CNTNAP2: variants seen among roughly 807,000 people sequenced by gnomAD.
CNTNAP2 encodes the protein contactin-associated protein-like 2.
A neutral mutation model predicts 155.2 loss-of-function variants in CNTNAP2; 98 were observed. The ratio of observed to expected loss-of-function variants is 0.63; its 90% CI spans 0.54 to 0.75. CNTNAP2 has a LOEUF of 0.75. CNTNAP2 is among the 30% of genes least tolerant of loss of function. The pLI, the probability that CNTNAP2 is intolerant of heterozygous loss-of-function variation, is 0.00. For missense variants in CNTNAP2, 1,727 were observed against 1,688.1 expected, an observed-to-expected ratio of 1.02 and a Z score of -0.40; for synonymous variants, 651 against 631.2, an observed-to-expected ratio of 1.03 and a Z score of -0.47.
Position 146,774,366 on chromosome 7 carries a change from A to T in CNTNAP2, c.193A>T (p.Ile65Leu). 1 of 1,613,896 alleles carries T rather than the reference A, an allele frequency of 6.2e-7. No individual in the cohort carries two copies. Among genetic ancestry groups the T allele is most frequent in the Non-Finnish European group, 8.5e-7 (1 of 1,179,884 alleles). The part of the protein sequence containing the change: ...SGSYSPGYAK[I>L]NKRGGAGGWS... ...TAGCTATTCTCCCGGCTATGCCAAG[A>T]TAAACAAGAGAGGAGGTAAGCCAAA... The change falls in exon 2 of 24, where the codon ATA becomes TTA. Residue 65 changes from isoleucine (I) to leucine (L), a missense_variant. Physicochemically the swap from Ile to Leu is conservative, Grantham distance 5. Transcript: ENST00000361727.
intron 1 of CNTNAP2, among the ~76,000 whole-genome samples, chr7:146,496,523 T>C (rs947429509): frequency 1.3e-5 from 2 of 152,158 alleles, no homozygotes; most frequent in South Asian, 4.1e-4. Context: ...TAGCACAAAT[T>C]AATTCTGCCA....
Position 146,307,220 on chromosome 7 carries a change from C to G in CNTNAP2, c.97+190247C>G, listed in dbSNP as rs190808712. On this transcript the variant is annotated intron_variant, in intron 1 of 23. Transcript: ENST00000361727. ...AGAGAGCCAAATCATGAGTGAACTC[C>G]CATTCACAATTGCTTCAAAAAGAAT... Among the ~76,000 whole-genome samples, 22 of 152,170 alleles carry G rather than the reference C, an allele frequency of 1.4e-4. 1 individual carries two copies. The highest frequency in any genetic ancestry group is 4.8e-4 in the African/African-American group (20 of 41,504).
At chr7:147,118,078 C>T (rs543270369) in intron 5 of CNTNAP2, among the ~76,000 whole-genome samples, 5 of 151,898 alleles carry the variant, frequency 3.3e-5, no homozygotes, top group South Asian at 4.1e-4. Flanking sequence ...AAATGATATA[C>T]AAGATAACTC....
At chr7:146,122,609 G>A (rs2116721028) in intron 1 of CNTNAP2, among the ~76,000 whole-genome samples, 1 of 152,228 alleles carries the variant, frequency 6.6e-6, no homozygotes, top group South Asian at 2.1e-4. Flanking sequence ...TTGATATTGA[G>A]TTGAAGATTT....
At chr7:148,362,272 C>G (rs1184191410) in intron 21 of CNTNAP2, among the ~76,000 whole-genome samples, 9 of 151,994 alleles carry the variant, frequency 5.9e-5, no homozygotes, top group African/African-American at 2.2e-4. Context: ...ATGGGGGAAA[C>G]CACCCCCATG....
intron 13 of CNTNAP2, among the ~76,000 whole-genome samples, chr7:147,750,312 C>T (rs893264128): frequency 2.0e-5 from 3 of 152,050 alleles, no homozygotes; most frequent in Non-Finnish European, 2.9e-5. Context: ...CTAAGAATAT[C>T]CCATTTACAT....
At chr7:147,681,052 T>C (rs1795941456) in intron 13 of CNTNAP2, among the ~76,000 whole-genome samples, 1 of 152,006 alleles carries the variant, frequency 6.6e-6, no homozygotes, top group South Asian at 2.1e-4. Flanking sequence ...CTGTTCCACA[T>C]AAAGAAATTC....
At chr7:146,582,783 C>G (rs1798631036) in intron 1 of CNTNAP2, among the ~76,000 whole-genome samples, 1 of 151,884 alleles carries the variant, frequency 6.6e-6, no homozygotes, top group African/African-American at 2.4e-5. Flanking sequence ...TGAACCTTCC[C>G]TATCTCTAAA....
rs539785370 is a variant in CNTNAP2, at chr7:148,176,382, C to G, written c.3010+3904C>G. ...GATTACAGGCACCCATCACCACATC[C>G]AGCTAATTTTTTATTTTTAGTACAG... On this transcript the variant is annotated intron_variant, in intron 18 of 23. Transcript: ENST00000361727. 1.6e-3 allele frequency among the ~76,000 whole-genome samples: 247 copies of G among 152,004 alleles called. 4 individuals are homozygous for G. The highest frequency in any genetic ancestry group is 1.5e-4 in the Non-Finnish European group (10 of 67,962).
chr7:146,691,745 C>T lies in CNTNAP2; in HGVS notation c.98-82526C>T, dbSNP rs146426112. 2.0e-3 allele frequency among the ~76,000 whole-genome samples: 299 copies of T among 152,214 alleles called. 2 individuals are homozygous for T. Among genetic ancestry groups the T allele is most frequent in the African/African-American group, 6.2e-3 (257 of 41,570 alleles). ...CCCATACTACCAACCCCGAAACTCT[C>T]CTCCCCCTTTTGCATTCACTCTCAT... is the stretch of plus-strand genomic sequence containing the variant. On this transcript the variant is annotated intron_variant, in intron 1 of 23. Coordinates refer to ENST00000361727, the MANE Select transcript of CNTNAP2 (RefSeq NM_014141.6).
intron 9 of CNTNAP2, among the ~76,000 whole-genome samples, chr7:147,325,790 TTTACCTTGTTATATGACCATCA>T (rs1444598709): frequency 1.3e-5 from 2 of 152,346 alleles, no homozygotes; most frequent in African/African-American, 4.8e-5. Context: ...ATTAGGTACA[TTTACCTTGTTATATGACCATCA>T]TCACTATTGG....
Position 146,364,583 on chromosome 7 carries a change from A to G in CNTNAP2, c.97+247610A>G, listed in dbSNP as rs577302880. Among the ~76,000 whole-genome samples, 195 of 152,344 alleles carry G rather than the reference A, an allele frequency of 1.3e-3. 5 individuals carry two copies. In the South Asian group the frequency reaches 0.039, roughly 31 times the overall value. On this transcript the variant is annotated intron_variant, in intron 1 of 23. Coordinates refer to ENST00000361727, the MANE Select transcript of CNTNAP2 (RefSeq NM_014141.6). ...ATGATTAAAATTATAAGAATCAAAT[A>G]TAATTGGTTTTCAAGAGAGAAAAAA... is the stretch of plus-strand genomic sequence containing the variant.
intron 13 of CNTNAP2, among the ~76,000 whole-genome samples, chr7:147,857,976 G>A (rs1470334438): frequency 2.6e-5 from 4 of 152,198 alleles, no homozygotes; most frequent in African/African-American, 9.7e-5. Context: ...TAACTACACA[G>A]TACGATCTTT....
rs545448501 is a variant in CNTNAP2 at position 148,182,250 on chromosome 7, C to A, written c.3010+9772C>A. Among the ~76,000 whole-genome samples the A allele has an allele frequency of 5.4e-4, 82 of 152,310 alleles. 1 individual carries two copies. The highest frequency in any genetic ancestry group is 3.9e-3 in the South Asian group (19 of 4,826). On this transcript the variant is annotated intron_variant, in intron 18 of 23. Coordinates refer to ENST00000361727, the MANE Select transcript of CNTNAP2 (RefSeq NM_014141.6). ...CCACATATTAGCTCCATGACTTGAG[C>A]TGAAACTCTATACATTTCTTTTCTT...
intron 11 of CNTNAP2, among the ~76,000 whole-genome samples, chr7:147,515,785 A>G (rs1329113709): frequency 2.0e-5 from 3 of 152,190 alleles, no homozygotes; most frequent in Non-Finnish European, 4.4e-5. Flanking sequence ...TAGGTACACA[A>G]TAAATATTTT....
chr7:146,828,328 A>G (rs1191545022), intron 2 of CNTNAP2, among the ~76,000 whole-genome samples: 2 of 152,082 alleles, frequency 1.3e-5, no homozygotes, highest in Non-Finnish European at 2.9e-5. Context: ...AAATAAGCCA[A>G]TAAGAAATAA....
chr7:146,875,931 C>T (rs867079024), intron 3 of CNTNAP2, among the ~76,000 whole-genome samples: 1 of 44,178 alleles, frequency 2.3e-5, no homozygotes, highest in Non-Finnish European at 3.7e-5. Context: ...CACACATACA[C>T]AGCAAAAAAA....
rs931737436 is a variant in CNTNAP2 at position 146,440,049 on chromosome 7, G to A, written c.97+323076G>A. ...TGTGGCAGGAGAATCGCTTGAACCC[G>A]GGAGGCAGAGGTTGCAGTGAGCTGA... On this transcript the variant is annotated intron_variant, in intron 1 of 23. Transcript: ENST00000361727. Among the ~76,000 whole-genome samples, 7 of 151,582 alleles carry A rather than the reference G, an allele frequency of 4.6e-5. 1 individual carries two copies. The highest frequency in any genetic ancestry group is 7.4e-5 in the Non-Finnish European group (5 of 68,022).
rs550508538 is a variant in CNTNAP2 at position 146,994,119 on chromosome 7, TATTTA to T, written c.403-49786_403-49782del. Among the ~76,000 whole-genome samples the T allele has an allele frequency of 1.3e-4, 20 of 152,262 alleles. No homozygotes were observed. In the South Asian group the frequency reaches 3.9e-3, roughly 30 times the overall value. ...ATAATACAGCATCAAATTAAAAACT[TATTTA>T]AGTCCAATCTATGTGAAATAGAACA... On this transcript the variant is annotated intron_variant, in intron 3 of 23. Coordinates refer to ENST00000361727, the MANE Select transcript of CNTNAP2 (RefSeq NM_014141.6).
Sources: allele counts gnomAD v4.1 joint callset (sites outside exome capture counted in the v4.1 genomes callset), GRCh38; gene constraint gnomAD v4.1.1; transcripts MANE v1.5; gene names NCBI Gene and HGNC (gene_info 2026-07-23, HGNC 2026-07-21).